EPB41: variants seen among roughly 807,000 people sequenced by gnomAD.
The protein encoded by EPB41 is protein 4.1.
Under a neutral mutation model 108.0 loss-of-function variants are expected in EPB41, and 65 were observed. The observed-to-expected ratio is 0.60, with a 90% CI of 0.49 to 0.74. The LOEUF is 0.74. EPB41 is among the 30% of genes least tolerant of loss of function. The pLI is 0.00. For synonymous variants in EPB41, 336 were observed against 358.9 expected (o/e 0.94, Z 0.72); for missense variants, 875 against 1,037.0 (o/e 0.84, Z 2.15).
chr1:28,960,870 T>C (rs914909610), intron 1 of EPB41, among the ~76,000 whole-genome samples: 9 of 151,746 alleles, frequency 5.9e-5, no homozygotes, highest in Non-Finnish European at 1.3e-4. Context: ...CCATCTCTAC[T>C]AAAAATACAA....
chr1:29,065,076 C>T lies in EPB41; in HGVS notation c.2102C>T (p.Pro701Leu). ...ATGGAGTCTGTACCAGAACCACGGCCTAGTGAATGGGATAAACGCTTATCC... is the reference window on the plus strand; with the variant it reads ...ATGGAGTCTGTACCAGAACCACGGCTTAGTGAATGGGATAAACGCTTATCC... The part of the protein sequence containing the change: ...NFMESVPEPR[P>L]SEWDKRLSTH... Residue 701 changes from proline (P) to leucine (L), a missense_variant, in exon 16 of 21, where the codon CCT (proline) becomes CTT (leucine). Transcript: ENST00000343067. 6.2e-7 allele frequency: 1 copy of T among 1,614,170 alleles called. No homozygotes were observed. The highest frequency in any genetic ancestry group is 1.1e-5 in the South Asian group (1 of 91,086).
chr1:29,116,195 A>G (rs1352644048), intron 20 of EPB41, among the ~76,000 whole-genome samples: 1 of 121,804 alleles, frequency 8.2e-6, no homozygotes, highest in African/African-American at 3.2e-5. Context: ...TCTGTCACCC[A>G]GGCTTGAGTG....
At chr1:29,091,913 G>A (rs1661329555) in intron 16 of EPB41, among the ~76,000 whole-genome samples, 1 of 152,094 alleles carries the variant, frequency 6.6e-6, no homozygotes, top group South Asian at 2.1e-4. Context: ...CCTGTGTTCA[G>A]TGTGTCTTTC....
At chr1:28,954,345 C>T (rs998469610) in intron 1 of EPB41, among the ~76,000 whole-genome samples, 1 of 152,174 alleles carries the variant, frequency 6.6e-6, no homozygotes, top group African/African-American at 2.4e-5. Context: ...AGTATTAATG[C>T]TCTTGCTTGC....
At chr1:28,982,402 G>T (rs1323788231) in intron 1 of EPB41, 2 of 740,446 alleles carry the variant, frequency 2.7e-6, no homozygotes, top group South Asian at 2.7e-5. Flanking sequence ...TTTCGCAAAA[G>T]ACTTGATCTT....
At chr1:28,915,778 A>G (rs1331556750) in intron 1 of EPB41, among the ~76,000 whole-genome samples, 2 of 27,024 alleles carry the variant, frequency 7.4e-5, no homozygotes, top group Non-Finnish European at 1.5e-4. Flanking sequence ...CACAGCTGCT[A>G]TTTTCTTCCC....
chr1:29,070,613 TG>T, intron 16 of EPB41: 1 of 1,232,154 alleles, frequency 8.1e-7, no homozygotes, highest in Non-Finnish European at 1.0e-6. Context: ...GGTCTTTCTG[TG>T]ATCAGAAAAC....
In EPB41 at chr1:29,119,769, A is replaced by G. The variant is rs1379225781; in HGVS notation, c.*2957A>G. The stretch of plus-strand genomic sequence containing the variant: ...CAGCCCCAGGCTGGTTGTTTCTACA[A>G]ATCTCTCTCAAATGTATTATTTTGG... On this transcript the variant is annotated 3_prime_UTR_variant, in exon 21 of 21. Coordinates refer to ENST00000343067, the MANE Select transcript of EPB41 (RefSeq NM_001376013.1). 1 of 152,682 alleles carries G rather than the reference A, an allele frequency of 6.5e-6. No individual in the cohort carries two copies. The highest frequency in any genetic ancestry group is 2.1e-4 in the South Asian group (1 of 4,834). The allele number at this position is 152,682 out of a possible 1,614,324, so 9.5% of individuals were successfully genotyped here.
Position 29,117,450 on chromosome 1 carries a change from C to T in EPB41, c.*638C>T, listed in dbSNP as rs1671197217. 1 of 152,686 alleles carries T rather than the reference C, an allele frequency of 6.5e-6. No homozygotes were observed. Among genetic ancestry groups the T allele is most frequent in the Non-Finnish European group, 1.5e-5 (1 of 68,080 alleles). The allele number at this position is 152,686 out of a possible 1,614,324, so 9.5% of individuals were successfully genotyped here. A position where few individuals can be genotyped will look rare whatever the true frequency, so the allele number is the denominator to read the frequency against. ...GAATGTAGTATTGTTTTTCCCCTCT[C>T]CCTCCTGCTTTCTTTTTGGAGCTTC... On this transcript the variant is annotated 3_prime_UTR_variant, in exon 21 of 21. Transcript: ENST00000343067.
chr1:28,974,805 T>TG (rs1381460145), intron 1 of EPB41, among the ~76,000 whole-genome samples: 1 of 151,898 alleles, frequency 6.6e-6, no homozygotes, highest in African/African-American at 2.4e-5. Context: ...TTTTTGTTTT[T>TG]TTTTTTTGAG....
chr1:29,065,933 C>G (rs1241983427), intron 16 of EPB41: 1 of 140,200 alleles, frequency 7.1e-6, no homozygotes, highest in East Asian at 2.0e-4. Flanking sequence ...CACCACTGCA[C>G]TACAGCCTGG....
chr1:29,058,653 C>G lies in EPB41; in HGVS notation c.1902+8C>G. Reference sequence around the variant, plus strand: ...AATGGTGACCAAACACAGGTTTGTGCCAATAGGCCACTTGTTCCTCTTTCC... The same window carrying G: ...AATGGTGACCAAACACAGGTTTGTGGCAATAGGCCACTTGTTCCTCTTTCC... On this transcript the variant is annotated splice_region_variant and intron_variant, in intron 13 of 20. Coordinates refer to ENST00000343067, the MANE Select transcript of EPB41 (RefSeq NM_001376013.1). The G allele has an allele frequency of 6.2e-7, 1 of 1,612,372 alleles. No individual in the cohort carries two copies. The highest frequency in any genetic ancestry group is 1.1e-5 in the South Asian group (1 of 90,794).
At chr1:29,107,632 C>T (rs1667613367) in intron 17 of EPB41, among the ~76,000 whole-genome samples, 1 of 151,776 alleles carries the variant, frequency 6.6e-6, no homozygotes, top group African/African-American at 2.4e-5. Context: ...GTGGGCGGTT[C>T]ACGAAGTCAG....
chr1:28,997,709 TATC>T lies in EPB41; in HGVS notation c.786+393_786+395del, dbSNP rs1288337812. ...ATCTGTTATTAATATTATAATGACA[TATC>T]ATAATTAAATATAATTATGATATAT... On this transcript the variant is annotated intron_variant, in intron 4 of 20. Coordinates refer to ENST00000343067, the MANE Select transcript of EPB41 (RefSeq NM_001376013.1). 1.3e-4 allele frequency among the ~76,000 whole-genome samples: 19 copies of T among 151,914 alleles called. No individual in the cohort carries two copies. The East Asian group carries it at 2.5e-3, about 20-fold the overall frequency.
Position 29,039,313 on chromosome 1 carries a change from G to A in EPB41, c.1523G>A (p.Arg508Gln), listed in dbSNP as rs749013479. Residue 508 changes from arginine (R) to glutamine (Q), a missense_variant, in exon 11 of 21, where the codon CGA (arginine) becomes CAA (glutamine). Transcript: ENST00000343067. The stretch of plus-strand genomic sequence containing the variant: ...TTTCTTGCGCTAGGATCCAAATTTC[G>A]ATACAGTGGCCGGACTCAAGCTCAG... ...SKFLALGSKFRYSGRTQAQTR... is the reference protein window; with the variant it reads ...SKFLALGSKFQYSGRTQAQTR... The A allele has an allele frequency of 1.2e-5, 20 of 1,614,062 alleles. No homozygotes were observed. Among genetic ancestry groups the A allele is most frequent in the East Asian group, 2.2e-5 (1 of 44,882 alleles).
intron 16 of EPB41, among the ~76,000 whole-genome samples, chr1:29,085,864 C>G (rs1658680382): frequency 6.6e-6 from 1 of 152,104 alleles, no homozygotes; most frequent in Non-Finnish European, 1.5e-5. Context: ...CTTTGACTTT[C>G]AAAACCAACT....
chr1:29,105,268 C>A (rs764953329), intron 17 of EPB41, among the ~76,000 whole-genome samples: 3 of 152,138 alleles, frequency 2.0e-5, no homozygotes, highest in Admixed American at 6.6e-5. Flanking sequence ...GAGTCTCACT[C>A]TTGTCATCCA....
Position 29,097,858 on chromosome 1 carries a change from G to A in EPB41, c.2236G>A (p.Val746Met), listed in dbSNP as rs1663759795. The A allele has an allele frequency of 2.5e-6, 4 of 1,613,862 alleles. No homozygotes were observed. The highest frequency in any genetic ancestry group is 1.6e-4 in the Middle Eastern group (1 of 6,080). The change falls in exon 17 of 21, where the codon GTG (valine) becomes ATG (methionine). Residue 746 changes from valine to methionine, a missense_variant. Coordinates refer to ENST00000343067, the MANE Select transcript of EPB41 (RefSeq NM_001376013.1). ...TVTISDNANAVKSEIPTKDVP... is the reference protein window; with the variant it reads ...TVTISDNANAMKSEIPTKDVP... ...CACCATCTCAGATAATGCCAATGCT[G>A]TGAAAAGTGAAATCCCAACCAAAGA...
intron 16 of EPB41, chr1:29,069,349 A>C (rs1372634222): frequency 1.6e-6 from 2 of 1,231,132 alleles, no homozygotes; most frequent in African/African-American, 3.1e-5. Flanking sequence ...GGGGGAATAA[A>C]AACTTCTCAA....
Sources: gnomAD v4.1 joint callset for allele counts (sites outside exome capture counted in the v4.1 genomes callset) on GRCh38, gnomAD v4.1.1 for gene constraint, MANE v1.5 for transcripts, NCBI Gene and HGNC (gene_info 2026-07-23, HGNC 2026-07-21) for gene names.